ADCK1: variants seen among roughly 807,000 people sequenced by gnomAD.
The protein encoded by ADCK1 is aarF domain-containing protein kinase 1.
A neutral mutation model predicts 52.3 loss-of-function variants in ADCK1; 41 were observed. The ratio of observed to expected loss-of-function variants is 0.78; its 90% confidence interval spans 0.61 to 1.02. The LOEUF is 1.02. ADCK1 is among the 50% of genes least tolerant of loss of function. ADCK1 has a pLI of 0.00. For missense variants in ADCK1, 658 were observed against 679.5 expected (o/e 0.97, Z 0.35); for synonymous variants, 250 against 274.6 (o/e 0.91, Z 0.89).
At chr14:77,924,284 A>C in intron 7 of ADCK1, 173 bp from the exon 8 acceptor site, 1 of 756,952 alleles carries the variant, frequency 1.3e-6, no homozygotes, top group Non-Finnish European at 2.0e-6. Context: ...AAGTTAAGAA[A>C]TCTTAAACTC....
At chr14:77,924,119 A>T in intron 7 of ADCK1, 1 of 217,386 alleles carries the variant, frequency 4.6e-6, no homozygotes, top group Non-Finnish European at 8.9e-6. Flanking sequence ...ATAAAAGGGT[A>T]TGGAGGAGAG....
intron 4 of ADCK1, 72 bp downstream of exon 4, chr14:77,859,351 G>C: frequency 6.8e-7 from 1 of 1,468,902 alleles, no homozygotes; most frequent in South Asian, 1.3e-5. Context: ...AATTCTTGCA[G>C]CCTCGACCAG....
chr14:77,852,669 A>ATATATTTATATATATATATATATAT, intron 3 of ADCK1, among the ~76,000 whole-genome samples: 1 of 9,414 alleles, frequency 1.1e-4, no homozygotes, highest in East Asian at 5.7e-3. Flanking sequence ...AAATATATAT[A>ATATATTTATATATATATATATATAT]TATATATATA....
intron 2 of ADCK1, 65 bp from the exon 3 acceptor site, chr14:77,822,370 T>A: frequency 7.4e-7 from 1 of 1,356,384 alleles, no homozygotes; most frequent in Middle Eastern, 1.8e-4. Flanking sequence ...TACTGCAAGG[T>A]TTGGGCAGAG....
intron 3 of ADCK1, among the ~76,000 whole-genome samples, chr14:77,823,560 CTTTATTTATTTATTTATTTATTTA>C (rs66494884): frequency 9.5e-5 from 13 of 137,136 alleles, no homozygotes; most frequent in African/African-American, 3.3e-4. Context: ...TCTTTCCCCC[CTTTATTTATTTATTTATTTATTTA>C]TTTATTTATT....
chr14:77,810,495 AGTTG>A (rs918495959), intron 1 of ADCK1, among the ~76,000 whole-genome samples: 1 of 150,206 alleles, frequency 6.7e-6, no homozygotes, highest in Admixed American at 6.6e-5. Flanking sequence ...AGCTGCAAGG[AGTTG>A]TGACTTACTC....
At chr14:77,851,916 G>T (rs1370438917) in intron 3 of ADCK1, among the ~76,000 whole-genome samples, 5 of 151,830 alleles carry the variant, frequency 3.3e-5, no homozygotes. Context: ...TGGTCTCTCT[G>T]TTCCCTTATA....
intron 6 of ADCK1, among the ~76,000 whole-genome samples, chr14:77,907,050 A>G (rs1399745722): frequency 2.0e-5 from 3 of 152,118 alleles, no homozygotes; most frequent in African/African-American, 4.8e-5. Context: ...CCAAGCTGGG[A>G]TCACAGGCAC....
chr14:77,882,554 G>A (rs1434637782), intron 4 of ADCK1, among the ~76,000 whole-genome samples: 2 of 152,250 alleles, frequency 1.3e-5, no homozygotes, highest in Non-Finnish European at 1.5e-5. Context: ...TATCTTGGAA[G>A]AATTCAGCCG....
At chr14:77,841,450 A>G (rs1241984155) in intron 3 of ADCK1, among the ~76,000 whole-genome samples, 1 of 152,050 alleles carries the variant, frequency 6.6e-6, no homozygotes, top group Non-Finnish European at 1.5e-5. Flanking sequence ...AGGGGAAAAA[A>G]AACTCTATAT....
At chr14:77,816,980 A>G (rs1220011051) in intron 1 of ADCK1, among the ~76,000 whole-genome samples, 1 of 151,168 alleles carries the variant, frequency 6.6e-6, no homozygotes, top group Non-Finnish European at 1.5e-5. Flanking sequence ...GGTGGCTCAC[A>G]CCTGTAATCC....
At chr14:77,920,303 T>G (rs2084020163) in intron 7 of ADCK1, among the ~76,000 whole-genome samples, 1 of 152,272 alleles carries the variant, frequency 6.6e-6, no homozygotes, top group African/African-American at 2.4e-5. Flanking sequence ...GGATCCAGTT[T>G]CATTCTTCTA....
intron 4 of ADCK1, among the ~76,000 whole-genome samples, chr14:77,865,492 A>G (rs2082643038): frequency 6.6e-6 from 1 of 152,194 alleles, no homozygotes; most frequent in African/African-American, 2.4e-5. Flanking sequence ...CAAAACAAAA[A>G]CAAAAACAAA....
intron 4 of ADCK1, among the ~76,000 whole-genome samples, chr14:77,875,690 C>T (rs1029089577): frequency 6.6e-6 from 1 of 152,122 alleles, no homozygotes; most frequent in South Asian, 2.1e-4. Flanking sequence ...CTGTTGCCTG[C>T]ACGTGAGCGG....
intron 1 of ADCK1, among the ~76,000 whole-genome samples, chr14:77,800,683 C>T (rs1215395858): frequency 6.6e-6 from 1 of 152,238 alleles, no homozygotes; most frequent in Non-Finnish European, 1.5e-5. Flanking sequence ...CTTGCAGGGC[C>T]CTGGGCTTCC....
chr14:77,822,591 C>A (rs2081606519), intron 3 of ADCK1, 73 bp downstream of exon 3: 2 of 1,271,560 alleles, frequency 1.6e-6, no homozygotes, highest in Non-Finnish European at 2.3e-6. Context: ...CTCTAGTGAT[C>A]CTCCCACCTC....
At position 77,819,126 on chromosome 14, in the gene ADCK1, C is replaced by A. The variant is rs1338803314; in HGVS notation, c.135+13C>A. 1.9e-6 allele frequency: 3 copies of A among 1,613,074 alleles called. No individual in the cohort carries two copies. Among genetic ancestry groups the A allele is most frequent in the Non-Finnish European group, 2.5e-6 (3 of 1,179,590 alleles). Reference sequence around the variant, plus strand: ...AGCAGTTGCTACGGTAGGTTTTTCCCTTTTGGGGGTAGCAGAGAAGCTGCA... The same window carrying A: ...AGCAGTTGCTACGGTAGGTTTTTCCATTTTGGGGGTAGCAGAGAAGCTGCA... On this transcript the variant is annotated intron_variant, in intron 2 of 10. Transcript: ENST00000238561.
chr14:77,838,878 G>A (rs1273241171), intron 3 of ADCK1, among the ~76,000 whole-genome samples: 1 of 152,224 alleles, frequency 6.6e-6, no homozygotes, highest in Non-Finnish European at 1.5e-5. Flanking sequence ...GGCACTGTGT[G>A]GGGTGCTGGG....
At chr14:77,847,025 A>G (rs1432255337) in intron 3 of ADCK1, among the ~76,000 whole-genome samples, 5 of 152,164 alleles carry the variant, frequency 3.3e-5, no homozygotes, top group African/African-American at 1.2e-4. Flanking sequence ...CGTGGCACGG[A>G]GAATGGGTCA....
Sources: gnomAD v4.1 joint callset for allele counts (sites outside exome capture counted in the v4.1 genomes callset) on GRCh38, gnomAD v4.1.1 for gene constraint, MANE v1.5 for transcripts, NCBI Gene and HGNC (gene_info 2026-07-23, HGNC 2026-07-21) for gene names.